The following C16orf74 variants were observed in gnomAD, a reference collection of about 807,000 sequenced individuals.
C16orf74 encodes the protein calcimembrin.
In C16orf74, 10 loss-of-function variants were observed where a neutral mutation model predicts 6.5. That is an observed-to-expected ratio of 1.54 (90% CI 0.95 to 2.61). C16orf74 has a LOEUF of 2.61. C16orf74 is among the 30% of genes most tolerant of loss of function. The pLI, the probability that C16orf74 is intolerant of heterozygous loss-of-function variation, is 0.00. For missense variants in C16orf74, 141 were observed against 105.9 expected (o/e 1.33, Z -1.45); for synonymous variants, 60 against 42.5 (o/e 1.41, Z -1.60).
intron 3 of C16orf74, 30 bp from the exon 4 acceptor site, chr16:85,708,096 T>TG (rs1477595902): frequency 9.1e-6 from 14 of 1,536,112 alleles, no homozygotes; most frequent in Non-Finnish European, 1.2e-5. Flanking sequence ...GACACCTGGA[T>TG]GCACCCTGCC....
intron 1 of C16orf74, among the ~76,000 whole-genome samples, chr16:85,750,706 A>G (rs1371350929): frequency 6.6e-6 from 1 of 152,088 alleles, no homozygotes; most frequent in Non-Finnish European, 1.5e-5. Context: ...GCGCGGCCAG[A>G]GCCGGGCCAA....
intron 1 of C16orf74, among the ~76,000 whole-genome samples, chr16:85,735,795 C>T (rs920722352): frequency 2.6e-5 from 4 of 152,022 alleles, no homozygotes; most frequent in African/African-American, 9.7e-5. Context: ...CCAGTGTTCT[C>T]ATGATGTTCC....
Position 85,707,728 on chromosome 16 carries a change from A to G in C16orf74, c.*280T>C. 2.2e-6 allele frequency: 1 copy of G among 460,708 alleles called. No homozygotes were observed. 28.5% of individuals were successfully genotyped at this position (460,708 alleles called of 1,614,324 possible). ...AAGAGAGCCTCTCCCTGGGACCCCA[A>G]CAGCCAGGACCATGGCGCTCCCTTT... On this transcript the variant is annotated 3_prime_UTR_variant, in exon 4 of 4. Transcript: ENST00000284245.
At chr16:85,744,642 A>C (rs540488299) in intron 1 of C16orf74, among the ~76,000 whole-genome samples, 1 of 151,844 alleles carries the variant, frequency 6.6e-6, no homozygotes, top group Admixed American at 6.6e-5. Flanking sequence ...CATCCTGGCT[A>C]ACACGGTGAA....
At chr16:85,726,308 G>C (rs1456035187) in intron 2 of C16orf74, among the ~76,000 whole-genome samples, 1 of 152,210 alleles carries the variant, frequency 6.6e-6, no homozygotes, top group Non-Finnish European at 1.5e-5. Context: ...GTGCTGCCTG[G>C]CATGCAGCAG....
intron 2 of C16orf74, among the ~76,000 whole-genome samples, chr16:85,725,287 C>A (rs1172927509): frequency 6.6e-6 from 1 of 152,026 alleles, no homozygotes; most frequent in Non-Finnish European, 1.5e-5. Flanking sequence ...AGAAAGAGCC[C>A]TGGAATTGAG....
intron 3 of C16orf74, among the ~76,000 whole-genome samples, chr16:85,709,693 A>G (rs1367907449): frequency 6.6e-6 from 1 of 152,168 alleles, no homozygotes; most frequent in Non-Finnish European, 1.5e-5. Context: ...CTCCCTGGGA[A>G]GAACTCTATT....
intron 1 of C16orf74, 95 bp downstream of exon 1, chr16:85,750,831 G>A (rs532269056): frequency 6.6e-6 from 1 of 152,058 alleles, no homozygotes; most frequent in Non-Finnish European, 1.5e-5. Flanking sequence ...GCTAGAGCTT[G>A]CGAGGCGTGG....
intron 2 of C16orf74, among the ~76,000 whole-genome samples, chr16:85,729,626 C>T (rs148300845): frequency 2.0e-5 from 3 of 152,222 alleles, no homozygotes; most frequent in Non-Finnish European, 2.9e-5. Context: ...AGGTCTTTGC[C>T]GATGTAATTA....
rs1422161688 is a variant in C16orf74, at chr16:85,747,466, G to A, written c.-19+3460C>T. 4.6e-5 allele frequency among the ~76,000 whole-genome samples: 7 copies of A among 151,872 alleles called. No homozygotes were observed. The East Asian group carries it at 5.8e-4, about 13-fold the overall frequency. ...CCCCATCTCAAAATAAATAAAAGGG[G>A]TCTGCTATTTGAAGTCAGGTTAACG... On this transcript the variant is annotated intron_variant, in intron 1 of 3. Coordinates refer to ENST00000284245, the MANE Select transcript of C16orf74 (RefSeq NM_206967.3).
intron 1 of C16orf74, among the ~76,000 whole-genome samples, chr16:85,740,034 A>C (rs1598805517): frequency 6.6e-6 from 1 of 151,356 alleles, no homozygotes; most frequent in East Asian, 2.0e-4. Flanking sequence ...ACATGGTGAA[A>C]CCCCGTCTCT....
At chr16:85,732,926 C>T (rs1425570815) in intron 2 of C16orf74, among the ~76,000 whole-genome samples, 1 of 152,144 alleles carries the variant, frequency 6.6e-6, no homozygotes, top group East Asian at 1.9e-4. Flanking sequence ...CCCAGCCCCA[C>T]GAGCCCTGAT....
chr16:85,747,872 G>A lies in C16orf74; in HGVS notation c.-19+3054C>T, dbSNP rs2054391040. 3.3e-5 allele frequency among the ~76,000 whole-genome samples: 5 copies of A among 151,986 alleles called. No individual in the cohort carries two copies. The South Asian group carries it at 1.0e-3, about 32-fold the overall frequency. Reference sequence around the variant, plus strand: ...GGAGGCTCAGGCAGGTGGATCACAAGGTCAGCAGTTCAAGACCAGCCTGGC... The same window carrying A: ...GGAGGCTCAGGCAGGTGGATCACAAAGTCAGCAGTTCAAGACCAGCCTGGC... On this transcript the variant is annotated intron_variant, in intron 1 of 3. Transcript: ENST00000284245.
chr16:85,726,481 T>C (rs566246017), intron 2 of C16orf74, among the ~76,000 whole-genome samples: 2 of 152,178 alleles, frequency 1.3e-5, no homozygotes, highest in South Asian at 2.1e-4. Flanking sequence ...CCCTGGAACA[T>C]GGCGGTGGCA....
rs1394840065 is a variant in C16orf74, at chr16:85,746,748, C to A, written c.-19+4178G>T. On this transcript the variant is annotated intron_variant, in intron 1 of 3. Transcript: ENST00000284245. ...TGGTAAGCCCCTTCAGCTCTCTGGG[C>A]CTGGTCATGCTGCAAGCAGGGAAGA... is the stretch of plus-strand genomic sequence containing the variant. 3.9e-5 allele frequency among the ~76,000 whole-genome samples: 6 copies of A among 152,172 alleles called. 1 individual carries two copies. Among genetic ancestry groups the A allele is most frequent in the South Asian group, 4.1e-4 (2 of 4,838 alleles).
At chr16:85,738,914 G>A (rs1359258798) in intron 1 of C16orf74, among the ~76,000 whole-genome samples, 1 of 152,178 alleles carries the variant, frequency 6.6e-6, no homozygotes, top group Non-Finnish European at 1.5e-5. Flanking sequence ...AGAGAAATTA[G>A]TTAACTTGCC....
chr16:85,723,772 G>A (rs1342950371), intron 2 of C16orf74, among the ~76,000 whole-genome samples: 2 of 152,246 alleles, frequency 1.3e-5, no homozygotes, highest in Admixed American at 6.5e-5. Flanking sequence ...GGGAAAGGGT[G>A]GGCAGTACTG....
chr16:85,744,023 C>T (rs1214993850), intron 1 of C16orf74: 1 of 150,052 alleles, frequency 6.7e-6, no homozygotes, highest in Non-Finnish European at 1.5e-5. Context: ...CACTGCACAC[C>T]AGGCTGAGCG....
At chr16:85,709,050 A>G (rs532727319) in intron 3 of C16orf74, among the ~76,000 whole-genome samples, 179 of 152,276 alleles carry the variant, frequency 1.2e-3, no homozygotes, top group African/African-American at 3.8e-3. Context: ...GCCTCTCTCA[A>G]CCTTAGTTTA....
Sources: gnomAD v4.1 joint callset for allele counts (sites outside exome capture counted in the v4.1 genomes callset) on GRCh38, gnomAD v4.1.1 for gene constraint, MANE v1.5 for transcripts, NCBI Gene and HGNC (gene_info 2026-07-23, HGNC 2026-07-21) for gene names.